LRRC7: variants seen among roughly 807,000 people sequenced by gnomAD.
LRRC7 encodes the protein leucine-rich repeat-containing protein 7.
A neutral mutation model predicts 175.7 loss-of-function variants in LRRC7; 23 were observed. The observed-to-expected ratio is 0.13, with a 90% CI of 0.09 to 0.19. The LOEUF (loss-of-function observed/expected upper bound fraction) is 0.19, where lower values mean the gene tolerates loss of function less well. Among genes scored for constraint, LRRC7 ranks in the 10% least tolerant of loss-of-function variants. The pLI, the probability that LRRC7 is intolerant of heterozygous loss-of-function variation, is 1.00. For missense variants in LRRC7, 1,354 were observed against 1,904.7 expected (o/e 0.71, Z 5.38); for synonymous variants, 685 against 680.9 (o/e 1.01, Z -0.09).
chr1:69,827,033 G>T (rs528675172), intron 5 of LRRC7, among the ~76,000 whole-genome samples: 2 of 152,184 alleles, frequency 1.3e-5, no homozygotes, highest in Admixed American at 1.3e-4. Context: ...GCAACAAAAT[G>T]TGTTTAAAAA....
At position 69,760,412 on chromosome 1, in the gene LRRC7, A is replaced by C. The variant is rs1314195860; in HGVS notation, c.303+19A>C. ...ACCCAAGGTAACTTTTGACAACCTA[A>C]AATATACAATGTAAATGAGTATTTC... On this transcript the variant is annotated intron_variant, in intron 3 of 26. Coordinates refer to ENST00000651989, the MANE Select transcript of LRRC7 (RefSeq NM_001370785.2). The C allele has an allele frequency of 6.3e-7, 1 of 1,584,238 alleles. No homozygotes were observed. The highest frequency in any genetic ancestry group is 1.7e-5 in the Admixed American group (1 of 59,758).
intron 3 of LRRC7, among the ~76,000 whole-genome samples, chr1:69,779,816 A>G (rs1196770376): frequency 6.6e-6 from 1 of 152,232 alleles, no homozygotes; most frequent in Non-Finnish European, 1.5e-5. Flanking sequence ...TGTACTAGAA[A>G]GGACTATAAT....
At chr1:69,723,057 A>G (rs1666543149) in intron 2 of LRRC7, among the ~76,000 whole-genome samples, 1 of 152,016 alleles carries the variant, frequency 6.6e-6, no homozygotes, top group African/African-American at 2.4e-5. Flanking sequence ...TGTTTTTGTA[A>G]TGCAATGAAC....
chr1:69,584,735 TA>T (rs1646339077), intron 1 of LRRC7, among the ~76,000 whole-genome samples: 1 of 152,120 alleles, frequency 6.6e-6, no homozygotes, highest in Non-Finnish European at 1.5e-5. Context: ...AGACAAAAAT[TA>T]ATATGTTTTC....
intron 11 of LRRC7, among the ~76,000 whole-genome samples, chr1:70,011,254 A>G (rs572842463): frequency 4.6e-5 from 7 of 152,182 alleles, no homozygotes; most frequent in African/African-American, 1.7e-4. Flanking sequence ...AGCCCCTTTA[A>G]GCCTCAATTT....
intron 8 of LRRC7, among the ~76,000 whole-genome samples, chr1:69,973,053 CTA>C (rs1466981435): frequency 7.1e-6 from 1 of 140,950 alleles, no homozygotes; most frequent in East Asian, 2.0e-4. Flanking sequence ...ATATATAATA[CTA>C]TATATATAAA....
At chr1:69,722,180 G>T (rs1666437536) in intron 2 of LRRC7, among the ~76,000 whole-genome samples, 1 of 151,768 alleles carries the variant, frequency 6.6e-6, no homozygotes. Flanking sequence ...AGAAATTGTA[G>T]CACGTTTAGA....
In LRRC7 at chr1:70,044,143, G is replaced by C. The variant is rs1558021393; in HGVS notation, c.4110+49G>C. On this transcript the variant is annotated intron_variant, in intron 22 of 26. Coordinates refer to ENST00000651989, the MANE Select transcript of LRRC7 (RefSeq NM_001370785.2). ...TGTCAGCATACCAAAGCCAATTAAT[G>C]TTGTTTGTTCACTTAATGTGTTTAG... is the stretch of plus-strand genomic sequence containing the variant. The C allele has an allele frequency of 2.5e-6, 4 of 1,587,072 alleles. No homozygotes were observed. The South Asian group carries it at 4.5e-5, about 18-fold the overall frequency.
At chr1:70,057,309 G>A (rs1471393938) in intron 23 of LRRC7, among the ~76,000 whole-genome samples, 1 of 152,142 alleles carries the variant, frequency 6.6e-6, no homozygotes, top group Non-Finnish European at 1.5e-5. Flanking sequence ...TCAACCTAAG[G>A]AAAGAAAAAT....
At chr1:70,118,093 GCACA>G (rs1665980834) in intron 26 of LRRC7, among the ~76,000 whole-genome samples, 114 of 135,530 alleles carry the variant, frequency 8.4e-4, no homozygotes, top group African/African-American at 2.9e-3. Flanking sequence ...ACACACACAC[GCACA>G]CGAACAAAAA....
intron 7 of LRRC7, among the ~76,000 whole-genome samples, chr1:69,914,868 C>G (rs1646640114): frequency 6.6e-6 from 1 of 152,040 alleles, no homozygotes; most frequent in African/African-American, 2.4e-5. Context: ...GACTGGAGAG[C>G]CTGAAACATT....
chr1:69,763,546 G>A (rs1440572432), intron 3 of LRRC7, among the ~76,000 whole-genome samples: 6 of 151,926 alleles, frequency 3.9e-5, no homozygotes, highest in Non-Finnish European at 5.9e-5. Context: ...AAATAATAAC[G>A]GGTCACCTCT....
chr1:69,941,999 C>A (rs1433736317), intron 8 of LRRC7, among the ~76,000 whole-genome samples: 1 of 152,068 alleles, frequency 6.6e-6, no homozygotes, highest in Non-Finnish European at 1.5e-5. Context: ...TGCCTCCATA[C>A]ATTCTAAACC....
chr1:69,885,041 C>T (rs1362572359), intron 7 of LRRC7, among the ~76,000 whole-genome samples: 1 of 138,024 alleles, frequency 7.2e-6, no homozygotes, highest in Non-Finnish European at 1.6e-5. Flanking sequence ...AGGATTTTTG[C>T]ATCAATGTTC....
At chr1:69,646,473 A>G (rs1434836496) in intron 1 of LRRC7, among the ~76,000 whole-genome samples, 1 of 152,136 alleles carries the variant, frequency 6.6e-6, no homozygotes, top group African/African-American at 2.4e-5. Context: ...GGACTTACCA[A>G]TATTTGGCTT....
rs1405992980 is a variant in LRRC7, at chr1:69,781,747, G to A, written c.304-10296G>A. Among the ~76,000 whole-genome samples, 83 of 44,172 alleles carry A rather than the reference G, an allele frequency of 1.9e-3. 5 individuals carry two copies. Among genetic ancestry groups the A allele is most frequent in the East Asian group, 6.1e-3 (6 of 976 alleles). The allele number at this position is 44,172 out of a possible 152,430, so 29.0% of individuals were successfully genotyped here. A position where few individuals can be genotyped will look rare whatever the true frequency, so the allele number is the denominator to read the frequency against. Reference sequence around the variant, plus strand: ...AGAAAGAAAGAAAGAGAGAGAGAGAGAGAGAGAGAGAGAGAGAGAAAGAAA... The same window carrying A: ...AGAAAGAAAGAAAGAGAGAGAGAGAAAGAGAGAGAGAGAGAGAGAAAGAAA... On this transcript the variant is annotated intron_variant, in intron 3 of 26. Coordinates refer to ENST00000651989, the MANE Select transcript of LRRC7 (RefSeq NM_001370785.2).
rs115501837 is a variant in LRRC7, at chr1:69,867,604, C to T, written c.647+29321C>T. 3.0e-3 allele frequency among the ~76,000 whole-genome samples: 462 copies of T among 152,202 alleles called. 3 individuals carry two copies. The highest frequency in any genetic ancestry group is 1.0e-2 in the African/African-American group (414 of 41,520). Reference sequence around the variant, plus strand: ...TGGGTTTAGAGACCATTTCAATAGCCTGGAAATTACGAGAACCAATTTAAA... The same window carrying T: ...TGGGTTTAGAGACCATTTCAATAGCTTGGAAATTACGAGAACCAATTTAAA... On this transcript the variant is annotated intron_variant, in intron 7 of 26. Transcript: ENST00000651989.
At chr1:69,988,404 T>C (rs1392596147) in intron 10 of LRRC7, among the ~76,000 whole-genome samples, 1 of 151,906 alleles carries the variant, frequency 6.6e-6, no homozygotes, top group Non-Finnish European at 1.5e-5. Context: ...ACTCCATCTC[T>C]GAAAAAAAAA....
At chr1:70,084,507 T>C (rs546817431) in intron 24 of LRRC7, among the ~76,000 whole-genome samples, 14 of 152,340 alleles carry the variant, frequency 9.2e-5, no homozygotes, top group African/African-American at 3.1e-4. Context: ...CTAAATGATA[T>C]TCCATTGTAT....
Sources: allele counts gnomAD v4.1 joint callset (sites outside exome capture counted in the v4.1 genomes callset), GRCh38; gene constraint gnomAD v4.1.1; transcripts MANE v1.5; gene names NCBI Gene and HGNC (gene_info 2026-07-23, HGNC 2026-07-21).